The following DACH1 variants were observed in gnomAD, a reference collection of about 807,000 sequenced individuals.
DACH1 encodes dachshund family transcription factor 1, also known as dachshund homolog 1.
In DACH1, 12 loss-of-function variants were observed where a neutral mutation model predicts 54.2. The ratio of observed to expected loss-of-function variants is 0.22; its 90% confidence interval spans 0.14 to 0.36. The LOEUF is 0.36. Among genes scored for constraint, DACH1 ranks in the 10% least tolerant of loss-of-function variants. The pLI, the probability that DACH1 is intolerant of heterozygous loss-of-function variation, is 1.00. For synonymous variants in DACH1, 386 were observed against 366.2 expected, an observed-to-expected ratio of 1.05 and a Z score of -0.62; for missense variants, 805 against 929.8, an observed-to-expected ratio of 0.87 and a Z score of 1.75.
At chr13:71,455,205 A>G (rs751207838) in intron 10 of DACH1, among the ~76,000 whole-genome samples, 7 of 152,166 alleles carry the variant, frequency 4.6e-5, no homozygotes, top group Non-Finnish European at 8.8e-5. Flanking sequence ...ATTATTCTAA[A>G]TCACAAACTA....
chr13:71,785,970 A>G (rs1886575097), intron 1 of DACH1, among the ~76,000 whole-genome samples: 1 of 152,140 alleles, frequency 6.6e-6, no homozygotes, highest in African/African-American at 2.4e-5. Flanking sequence ...CTTTCAAGGG[A>G]GCACCATGAG....
At chr13:71,683,443 A>G (rs1357730580) in intron 1 of DACH1, among the ~76,000 whole-genome samples, 1 of 152,158 alleles carries the variant, frequency 6.6e-6, no homozygotes, top group African/African-American at 2.4e-5. Context: ...GAAATAAATG[A>G]AACCATGAAA....
intron 3 of DACH1, among the ~76,000 whole-genome samples, chr13:71,617,494 T>C (rs539718379): frequency 6.6e-6 from 1 of 152,188 alleles, no homozygotes; most frequent in South Asian, 2.1e-4. Flanking sequence ...GTAGATGTTA[T>C]ACAATTATGC....
At chr13:71,458,085 T>C (rs1282055270) in intron 10 of DACH1, among the ~76,000 whole-genome samples, 1 of 151,978 alleles carries the variant, frequency 6.6e-6, no homozygotes, top group East Asian at 1.9e-4. Flanking sequence ...GAACACTCAT[T>C]ACCTCTTTTC....
chr13:71,602,973 T>C (rs1191503361), intron 3 of DACH1, among the ~76,000 whole-genome samples: 5 of 152,018 alleles, frequency 3.3e-5, no homozygotes, highest in African/African-American at 1.2e-4. Context: ...TATTTTTAAC[T>C]AGTAAAATAC....
intron 3 of DACH1, chr13:71,573,630 A>T (rs1277192880): frequency 2.3e-6 from 1 of 442,406 alleles, no homozygotes; most frequent in Non-Finnish European, 4.1e-6. Context: ...TCTTCCAATG[A>T]CTAACTTAAA....
chr13:71,505,631 C>G (rs1796168883), intron 6 of DACH1, among the ~76,000 whole-genome samples: 1 of 152,104 alleles, frequency 6.6e-6, no homozygotes, highest in Non-Finnish European at 1.5e-5. Flanking sequence ...CTGTTCTGTT[C>G]TGTTTCAATT....
chr13:71,850,948 C>A (rs1873617650), intron 1 of DACH1, among the ~76,000 whole-genome samples: 1 of 152,162 alleles, frequency 6.6e-6, no homozygotes, highest in African/African-American at 2.4e-5. Flanking sequence ...TGTCAAATGA[C>A]AAAATCTTTA....
intron 3 of DACH1, among the ~76,000 whole-genome samples, chr13:71,610,657 AT>A (rs1875263288): frequency 6.6e-6 from 1 of 152,124 alleles, no homozygotes; most frequent in Admixed American, 6.5e-5. Flanking sequence ...CCATATATAC[AT>A]TTTCTACATT....
At chr13:71,719,641 G>C (rs1228098339) in intron 1 of DACH1, among the ~76,000 whole-genome samples, 2 of 152,094 alleles carry the variant, frequency 1.3e-5, no homozygotes, top group Non-Finnish European at 2.9e-5. Flanking sequence ...GCCTTGGGAG[G>C]ATTGTCTGAG....
chr13:71,732,121 G>A (rs1770561633), intron 1 of DACH1, among the ~76,000 whole-genome samples: 1 of 152,030 alleles, frequency 6.6e-6, no homozygotes. Flanking sequence ...ATTATCTATA[G>A]CTCCATCTAG....
At chr13:71,536,894 T>C (rs1478144071) in intron 6 of DACH1, among the ~76,000 whole-genome samples, 2 of 152,116 alleles carry the variant, frequency 1.3e-5, no homozygotes, top group African/African-American at 4.8e-5. Context: ...GTCACCATCA[T>C]TTCTCACCTA....
At chr13:71,865,820 T>G in intron 1 of DACH1, 102 bp downstream of exon 1, 3 of 1,320,074 alleles carry the variant, frequency 2.3e-6, no homozygotes, top group Non-Finnish European at 2.9e-6. Context: ...GGCGCGCGGC[T>G]CGCGGGCGCG....
chr13:71,710,956 T>C (rs1350354086), intron 1 of DACH1, among the ~76,000 whole-genome samples: 5 of 152,196 alleles, frequency 3.3e-5, no homozygotes, highest in Non-Finnish European at 7.3e-5. Flanking sequence ...TTTAGTTCAC[T>C]GGGGCATGAA....
intron 2 of DACH1, among the ~76,000 whole-genome samples, chr13:71,676,065 G>T (rs1251439049): frequency 6.6e-6 from 1 of 152,138 alleles, no homozygotes; most frequent in Non-Finnish European, 1.5e-5. Context: ...TTTGGGTAAG[G>T]CATACAGTAG....
chr13:71,562,488 T>C (rs1240603489), intron 4 of DACH1, among the ~76,000 whole-genome samples: 1 of 152,116 alleles, frequency 6.6e-6, no homozygotes, highest in Non-Finnish European at 1.5e-5. Flanking sequence ...CAGAGACGTT[T>C]ATAACATGTA....
chr13:71,801,455 A>G lies in DACH1; in HGVS notation c.848+64467T>C, dbSNP rs182819435. Among the ~76,000 whole-genome samples the G allele has an allele frequency of 2.0e-5, 3 of 152,240 alleles. No homozygotes were observed. In the East Asian group the frequency reaches 5.8e-4, roughly 29 times the overall value. On this transcript the variant is annotated intron_variant, in intron 1 of 10. Coordinates refer to ENST00000613252, the MANE Select transcript of DACH1 (RefSeq NM_080759.6). ...ATACCTCTGCTCAAAAGAACAGTTCATGTAAGTCAGTTCTATCTGAAGACT... is the reference window on the plus strand; with the variant it reads ...ATACCTCTGCTCAAAAGAACAGTTCGTGTAAGTCAGTTCTATCTGAAGACT...
chr13:71,592,979 G>GTT (rs987456918), intron 3 of DACH1, among the ~76,000 whole-genome samples: 3 of 152,098 alleles, frequency 2.0e-5, no homozygotes, highest in African/African-American at 7.2e-5. Context: ...AAAAGCACAT[G>GTT]TAATTGTTAG....
intron 1 of DACH1, among the ~76,000 whole-genome samples, chr13:71,723,125 G>A (rs1883303725): frequency 6.6e-6 from 1 of 151,982 alleles, no homozygotes. Flanking sequence ...GTCTAGGTCT[G>A]GCATAGCAGC....
Sources: allele counts gnomAD v4.1 joint callset (sites outside exome capture counted in the v4.1 genomes callset), GRCh38; gene constraint gnomAD v4.1.1; transcripts MANE v1.5; gene names NCBI Gene and HGNC (gene_info 2026-07-23, HGNC 2026-07-21).